The following ENY2 variants were observed in gnomAD, a reference collection of about 807,000 sequenced individuals.
The protein encoded by ENY2 is ENY2 transcription and export complex 2 subunit, also known as transcription and mRNA export factor ENY2.
A neutral mutation model predicts 15.9 loss-of-function variants in ENY2; 4 were observed. The ratio of observed to expected loss-of-function variants is 0.25; its 90% CI spans 0.12 to 0.57. The LOEUF (loss-of-function observed/expected upper bound fraction) is 0.57. ENY2 is among the 20% of genes least tolerant of loss of function. The probability of loss-of-function intolerance (pLI) is 0.91; values close to 1 mark genes in which losing one functional copy is unlikely to be tolerated. For missense variants in ENY2, 54 were observed against 117.2 expected, an observed-to-expected ratio of 0.46 and a Z score of 2.49; for synonymous variants, 48 against 38.0, an observed-to-expected ratio of 1.26 and a Z score of -0.97.
chr8:109,335,986 A>G, intron 1 of ENY2, 142 bp from the exon 2 acceptor site: 1 of 710,678 alleles, frequency 1.4e-6, no homozygotes, highest in Non-Finnish European at 2.3e-6. Flanking sequence ...TTTAATAAAG[A>G]GTAATGATAT....
Position 109,344,385 on chromosome 8 carries a change from T to C in ENY2, c.*904T>C. The C allele has an allele frequency of 6.6e-6, 1 of 152,182 alleles. No individual in the cohort carries two copies. The highest frequency in any genetic ancestry group is 1.5e-5 in the Non-Finnish European group (1 of 68,062). 9.4% of individuals were successfully genotyped at this position (152,182 alleles called of 1,614,324 possible). On this transcript the variant is annotated 3_prime_UTR_variant, in exon 5 of 5. Coordinates refer to ENST00000521688, the MANE Select transcript of ENY2 (RefSeq NM_020189.6). ...TCTGCCTCACTAACTGGATATACTT[T>C]TCCTGAGCAAATCCCAGGAAACTTG...
At chr8:109,343,369 C>T in intron 4 of ENY2, 36 bp from the exon 5 acceptor site, 1 of 1,528,992 alleles carries the variant, frequency 6.5e-7, no homozygotes, top group Non-Finnish European at 8.9e-7. Context: ...TTAATTGGTA[C>T]CTTCTTACTC....
chr8:109,336,963 G>A (rs1474327863), intron 2 of ENY2, among the ~76,000 whole-genome samples: 1 of 151,782 alleles, frequency 6.6e-6, no homozygotes, highest in African/African-American at 2.4e-5. Context: ...AAGGAAGAGG[G>A]GGAATCTTTC....
intron 4 of ENY2, 103 bp from the exon 5 acceptor site, chr8:109,343,302 A>T: frequency 1.2e-6 from 1 of 810,456 alleles, no homozygotes; most frequent in South Asian, 2.2e-5. Context: ...AGGGTTATTT[A>T]TGAAATTCTT....
chr8:109,342,523 T>C lies in ENY2; in HGVS notation c.230-882T>C, dbSNP rs1816143540. Among the ~76,000 whole-genome samples the C allele has an allele frequency of 2.0e-5, 3 of 151,124 alleles. No individual in the cohort carries two copies. The South Asian group carries it at 6.2e-4, about 31-fold the overall frequency. ...TATAAATATATATACCCTTTTTTTT[T>C]TTTTGAGATAGGATCTTGCTCTGTC... On this transcript the variant is annotated intron_variant, in intron 4 of 4. Coordinates refer to ENST00000521688, the MANE Select transcript of ENY2 (RefSeq NM_020189.6).
chr8:109,340,605 A>T (rs1234823530), intron 4 of ENY2, 42 bp downstream of exon 4: 1 of 1,601,784 alleles, frequency 6.2e-7, no homozygotes, highest in Admixed American at 1.7e-5. Flanking sequence ...TGCTGCAGAC[A>T]TGATTTTTTT....
chr8:109,342,159 C>T (rs977219494), intron 4 of ENY2, among the ~76,000 whole-genome samples: 2 of 141,268 alleles, frequency 1.4e-5, no homozygotes, highest in Non-Finnish European at 3.2e-5. Context: ...TTAGTTAACC[C>T]CCCCCTTTTT....
intron 2 of ENY2, 47 bp downstream of exon 2, chr8:109,336,251 A>G: frequency 6.9e-7 from 1 of 1,449,138 alleles, no homozygotes; most frequent in Non-Finnish European, 9.6e-7. Context: ...CGCCTTTAAT[A>G]GTTAGCTTGT....
intron 1 of ENY2, 64 bp downstream of exon 1, chr8:109,334,538 C>T (rs1815909384): frequency 4.5e-6 from 7 of 1,567,672 alleles, no homozygotes; most frequent in East Asian, 2.3e-5. Context: ...TTTCGATGTA[C>T]TGTCTTTCGT....
In ENY2 at chr8:109,343,107, A is replaced by G. The variant is rs191876892; in HGVS notation, c.230-298A>G. ...TAAATTGTTACTATGTTTTAATCAA[A>G]TTTATCCATCTGTTATAGCCTCTGT... On this transcript the variant is annotated intron_variant, in intron 4 of 4. Coordinates refer to ENST00000521688, the MANE Select transcript of ENY2 (RefSeq NM_020189.6). Among the ~76,000 whole-genome samples the G allele has an allele frequency of 1.1e-4, 17 of 152,278 alleles. No individual in the cohort carries two copies. In the East Asian group the frequency reaches 2.5e-3, roughly 23 times the overall value.
intron 2 of ENY2, among the ~76,000 whole-genome samples, chr8:109,338,014 T>C (rs1412536973): frequency 2.0e-5 from 3 of 151,866 alleles, no homozygotes; most frequent in African/African-American, 7.3e-5. Context: ...ACTGAGTAAA[T>C]TGGGTGAGGG....
At chr8:109,338,642 GGCAAAAGGATAAGAAAATATTTTATT>G (rs1400833398) in intron 2 of ENY2, 2 of 152,144 alleles carry the variant, frequency 1.3e-5, no homozygotes, top group African/African-American at 4.8e-5. Flanking sequence ...AAGTGGATAT[GGCAAAAGGATAAGAAAATATTTTATT>G]GCACCTGTGA....
rs555090852 is a variant in ENY2, at chr8:109,337,217, C to G, written c.83+1013C>G. Among the ~76,000 whole-genome samples, 8 of 151,888 alleles carry G rather than the reference C, an allele frequency of 5.3e-5. No homozygotes were observed. In the South Asian group the frequency reaches 1.7e-3, roughly 32 times the overall value. On this transcript the variant is annotated intron_variant, in intron 2 of 4. Transcript: ENST00000521688. ...TATATAGGGTTGAAAATGGAAAACT[C>G]CAAAAATTGGAAGGAGACCTTAGAA...
Position 109,334,413 on chromosome 8 carries a change from G to A in ENY2, c.-56G>A. 6.2e-7 allele frequency: 1 copy of A among 1,613,222 alleles called. No individual in the cohort carries two copies. The stretch of plus-strand genomic sequence containing the variant: ...CAGCCGAAGAGTGTGGTAGGTAACG[G>A]TCCTCAGCGCAAGGGTCATTTCGTC... On this transcript the variant is annotated 5_prime_UTR_variant, in exon 1 of 5. Transcript: ENST00000521688.
rs1463798695 is a variant in ENY2 at position 109,344,478 on chromosome 8, G to T, written c.*997G>T. 4.6e-5 allele frequency: 7 copies of T among 152,182 alleles called. No individual in the cohort carries two copies. The highest frequency in any genetic ancestry group is 9.7e-5 in the African/African-American group (4 of 41,412). 9.4% of individuals were successfully genotyped at this position (152,182 alleles called of 1,614,324 possible). On this transcript the variant is annotated 3_prime_UTR_variant, in exon 5 of 5. Coordinates refer to ENST00000521688, the MANE Select transcript of ENY2 (RefSeq NM_020189.6). ...TGTCTCCAAACCAGACTTCATCCTA[G>T]CCTCCACACCCAGACACCCAACTGC...
intron 2 of ENY2, among the ~76,000 whole-genome samples, chr8:109,337,320 A>G (rs1816006807): frequency 6.6e-6 from 1 of 151,752 alleles, no homozygotes; most frequent in Admixed American, 6.6e-5. Context: ...GCTTTAGAGG[A>G]TAGTACTGCT....
In ENY2 at chr8:109,339,137, T is replaced by C. The variant is rs182440776; in HGVS notation, c.84-183T>C. 1,186 of 582,840 alleles carry C rather than the reference T, an allele frequency of 2.0e-3. 3 individuals carry two copies. Among genetic ancestry groups the C allele is most frequent in the Non-Finnish European group, 2.8e-3 (903 of 327,958 alleles). The allele number at this position is 582,840 out of a possible 1,614,324, so 36.1% of individuals were successfully genotyped here. On this transcript the variant is annotated intron_variant, in intron 2 of 4. Coordinates refer to ENST00000521688, the MANE Select transcript of ENY2 (RefSeq NM_020189.6). ...TGAGACCCAGATGAAATGAAAGGCC[T>C]AGAATTTAAGTACTTGCATGAGATC...
intron 3 of ENY2, chr8:109,339,842 T>A (rs1816076382): frequency 6.4e-6 from 1 of 156,780 alleles, no homozygotes; most frequent in Non-Finnish European, 1.4e-5. Context: ...ATTTGATGGA[T>A]TATACATGTC....
intron 4 of ENY2, 168 bp downstream of exon 4, chr8:109,340,731 C>T: frequency 1.4e-6 from 1 of 694,800 alleles, no homozygotes; most frequent in Middle Eastern, 4.0e-4. Flanking sequence ...CTGGGAGTAA[C>T]AAATGAGATA....
Sources: allele counts gnomAD v4.1 joint callset (sites outside exome capture counted in the v4.1 genomes callset), GRCh38; gene constraint gnomAD v4.1.1; transcripts MANE v1.5; gene names NCBI Gene and HGNC (gene_info 2026-07-23, HGNC 2026-07-21).